The following CDKL1 variants were observed in gnomAD, a reference collection of about 807,000 sequenced individuals.
CDKL1 encodes cyclin-dependent kinase-like 1.
A neutral mutation model predicts 42.0 loss-of-function variants in CDKL1; 41 were observed. The ratio of observed to expected loss-of-function variants is 0.98; its 90% CI spans 0.76 to 1.27. The LOEUF (loss-of-function observed/expected upper bound fraction) is 1.27. CDKL1 is among the 50% of genes most tolerant of loss of function. The pLI is 0.00. For missense variants in CDKL1, 394 were observed against 428.4 expected, an observed-to-expected ratio of 0.92 and a Z score of 0.71; for synonymous variants, 153 against 158.6, an observed-to-expected ratio of 0.96 and a Z score of 0.26.
At chr14:50,332,772 A>T in intron 8 of CDKL1, 1 of 973,898 alleles carries the variant, frequency 1.0e-6, no homozygotes, top group Non-Finnish European at 1.5e-6. Flanking sequence ...GGTCCCTTGC[A>T]TGTACTTTGT....
chr14:50,332,903 CTTTTTTTTT>C (rs35560184), intron 8 of CDKL1: 7 of 263,064 alleles, frequency 2.7e-5, no homozygotes, highest in East Asian at 1.3e-4. Context: ...AAATCAGCTA[CTTTTTTTTT>C]TTTTTTTTTT....
chr14:50,332,807 AATG>A (rs2033033659), intron 8 of CDKL1: 2 of 696,062 alleles, frequency 2.9e-6, no homozygotes, highest in Non-Finnish European at 4.7e-6. Context: ...TTATTTTAAA[AATG>A]ATATTTACAC....
intron 3 of CDKL1, among the ~76,000 whole-genome samples, chr14:50,350,685 C>T (rs1004956878): frequency 7.9e-5 from 12 of 152,314 alleles, no homozygotes; most frequent in African/African-American, 1.9e-4. Flanking sequence ...TCAGCTCCCC[C>T]GACCTAGAAA....
chr14:50,378,434 T>C (rs1226876183), intron 2 of CDKL1: 1 of 1,365,930 alleles, frequency 7.3e-7, no homozygotes, highest in Non-Finnish European at 9.8e-7. Context: ...AATGTAAGGC[T>C]GGAAAAGGGG....
At chr14:50,376,443 C>T (rs1230395938) in intron 2 of CDKL1, 2 of 469,204 alleles carry the variant, frequency 4.3e-6, no homozygotes, top group Non-Finnish European at 8.8e-6. Flanking sequence ...AAATATGAAA[C>T]AACATGAACA....
chr14:50,349,718 T>C (rs1374989470), intron 3 of CDKL1, among the ~76,000 whole-genome samples: 1 of 150,634 alleles, frequency 6.6e-6, no homozygotes, highest in African/African-American at 2.5e-5. Context: ...TGTTTTGATG[T>C]TCTTTGTTCT....
At chr14:50,338,282 G>A (rs1186669755) in intron 7 of CDKL1, among the ~76,000 whole-genome samples, 1 of 151,982 alleles carries the variant, frequency 6.6e-6, no homozygotes, top group Non-Finnish European at 1.5e-5. Flanking sequence ...GAGTACAGTG[G>A]TGTGGTGCAA....
chr14:50,340,986 G>T, intron 6 of CDKL1, 46 bp downstream of exon 6: 1 of 1,597,294 alleles, frequency 6.3e-7, no homozygotes, highest in South Asian at 1.1e-5. Context: ...CCCCAACCTG[G>T]GGAAATATCC....
chr14:50,379,371 G>A (rs560949019), intron 2 of CDKL1, among the ~76,000 whole-genome samples: 2 of 152,296 alleles, frequency 1.3e-5, no homozygotes, highest in African/African-American at 4.8e-5. Context: ...CACTGAAGCA[G>A]TAAGGAGCAG....
rs929247002 is a variant in CDKL1 at position 50,327,848 on chromosome 14, A to G, written c.*2226T>C. Reference sequence around the variant, plus strand: ...AAATGAATTTTCGTTGTGTTTAACAATGTTGTGTTTAACAGCTTATACAAA... The same window carrying G: ...AAATGAATTTTCGTTGTGTTTAACAGTGTTGTGTTTAACAGCTTATACAAA... On this transcript the variant is annotated 3_prime_UTR_variant, in exon 10 of 10. Transcript: ENST00000395834. The G allele has an allele frequency of 2.6e-5, 4 of 152,184 alleles. No homozygotes were observed. Among genetic ancestry groups the G allele is most frequent in the Non-Finnish European group, 1.5e-5 (1 of 68,032 alleles). The allele number at this position is 152,184 out of a possible 1,614,324, so 9.4% of individuals were successfully genotyped here.
chr14:50,378,702 TA>T (rs1555344016), intron 2 of CDKL1, among the ~76,000 whole-genome samples: 1 of 152,138 alleles, frequency 6.6e-6, no homozygotes, highest in African/African-American at 2.4e-5. Flanking sequence ...GCTGGATAAT[TA>T]AAAAAATTTT....
At chr14:50,382,937 T>C (rs1035267507) in intron 2 of CDKL1, among the ~76,000 whole-genome samples, 1 of 151,644 alleles carries the variant, frequency 6.6e-6, no homozygotes, top group Non-Finnish European at 1.5e-5. Context: ...TTTGTTTTTT[T>C]TTTTTTTTGA....
chr14:50,340,315 G>A (rs562214852), intron 6 of CDKL1, among the ~76,000 whole-genome samples: 2 of 152,328 alleles, frequency 1.3e-5, no homozygotes, highest in Non-Finnish European at 2.9e-5. Flanking sequence ...TCTTTGGGAA[G>A]ATAAGATTAC....
intron 2 of CDKL1, among the ~76,000 whole-genome samples, chr14:50,376,909 A>G (rs1438077994): frequency 6.6e-6 from 1 of 152,184 alleles, no homozygotes; most frequent in East Asian, 1.9e-4. Context: ...TGGAATGGTG[A>G]AATTTAAATG....
chr14:50,347,583 G>A (rs2033769887), intron 3 of CDKL1, among the ~76,000 whole-genome samples: 1 of 152,182 alleles, frequency 6.6e-6, no homozygotes, highest in African/African-American at 2.4e-5. Flanking sequence ...TTGAGTAACT[G>A]GTACACAGTG....
intron 3 of CDKL1, chr14:50,358,003 G>A (rs1243474167): frequency 1.5e-6 from 2 of 1,322,078 alleles, no homozygotes; most frequent in Non-Finnish European, 2.0e-6. Flanking sequence ...GTGGGTGGGA[G>A]CTGGAATCCA....
intron 2 of CDKL1, among the ~76,000 whole-genome samples, chr14:50,364,134 AT>A (rs1475326669): frequency 6.6e-6 from 1 of 152,208 alleles, no homozygotes; most frequent in African/African-American, 2.4e-5. Flanking sequence ...AGTAACTGTT[AT>A]ATTGCACCCA....
intron 3 of CDKL1, among the ~76,000 whole-genome samples, chr14:50,355,291 G>T (rs1295938821): frequency 6.6e-6 from 1 of 152,000 alleles, no homozygotes; most frequent in Non-Finnish European, 1.5e-5. Flanking sequence ...TTAAGTTTTT[G>T]CACATATATT....
At chr14:50,369,119 G>A (rs1197763827) in intron 2 of CDKL1, among the ~76,000 whole-genome samples, 4 of 151,882 alleles carry the variant, frequency 2.6e-5, no homozygotes, top group African/African-American at 7.3e-5. Context: ...TGCCCACCTC[G>A]GCCTCCCAAA....
Sources: gnomAD v4.1 joint callset for allele counts (sites outside exome capture counted in the v4.1 genomes callset) on GRCh38, gnomAD v4.1.1 for gene constraint, MANE v1.5 for transcripts, NCBI Gene and HGNC (gene_info 2026-07-23, HGNC 2026-07-21) for gene names.